Variants in LPP observed in about 807,000 individuals in gnomAD.
LPP encodes LIM domain containing preferred translocation partner in lipoma, also known as lipoma-preferred partner.
LPP carries 38 observed loss-of-function variants against 60.4 expected under a neutral mutation model. The observed-to-expected ratio is 0.63, with a 90% CI of 0.49 to 0.83. The LOEUF (loss-of-function observed/expected upper bound fraction) is 0.83, where lower values mean the gene tolerates loss of function less well. Among genes scored for constraint, LPP ranks in the 40% least tolerant of loss-of-function variants. The pLI, the probability that LPP is intolerant of heterozygous loss-of-function variation, is 0.00. For synonymous variants in LPP, 328 were observed against 290.8 expected, an observed-to-expected ratio of 1.13 and a Z score of -1.30; for missense variants, 902 against 783.6, an observed-to-expected ratio of 1.15 and a Z score of -1.80.
chr3:188,581,200 AG>A (rs1836004158), intron 6 of LPP, among the ~76,000 whole-genome samples: 1 of 152,044 alleles, frequency 6.6e-6, no homozygotes, highest in Non-Finnish European at 1.5e-5. Context: ...GGGCAAAAAA[AG>A]TCCAGGAAGA....
intron 2 of LPP, among the ~76,000 whole-genome samples, chr3:188,296,390 G>A (rs1329456928): frequency 6.6e-6 from 1 of 152,192 alleles, no homozygotes; most frequent in African/African-American, 2.4e-5. Context: ...GGTAGGAAGA[G>A]GTAAGGGTTT....
chr3:188,489,339 G>C (rs1807622747), intron 5 of LPP, among the ~76,000 whole-genome samples: 2 of 152,126 alleles, frequency 1.3e-5, no homozygotes, highest in Admixed American at 1.3e-4. Context: ...TGGAGAGTGA[G>C]GGAAGTAAAT....
intron 7 of LPP, among the ~76,000 whole-genome samples, chr3:188,660,519 A>G (rs551246850): frequency 1.1e-4 from 17 of 152,310 alleles, no homozygotes; most frequent in Non-Finnish European, 2.1e-4. Flanking sequence ...TAGCTAGTTA[A>G]AATCAGAACC....
intron 9 of LPP, among the ~76,000 whole-genome samples, chr3:188,791,871 T>C (rs908727019): frequency 1.3e-5 from 2 of 152,270 alleles, no homozygotes; most frequent in South Asian, 4.2e-4. Context: ...CTGCACCCCA[T>C]TCCTTGAGGA....
At chr3:188,554,153 T>A (rs557002383) in intron 6 of LPP, 16 of 151,782 alleles carry the variant, frequency 1.1e-4, no homozygotes, top group East Asian at 3.9e-4. Flanking sequence ...TGCTTTTTTT[T>A]AAAAAAAAGA....
chr3:188,155,403 T>C (rs1447886055), intron 1 of LPP, among the ~76,000 whole-genome samples: 1 of 152,232 alleles, frequency 6.6e-6, no homozygotes, highest in Non-Finnish European at 1.5e-5. Flanking sequence ...TAAAATTCAC[T>C]CTCACTAAGG....
chr3:188,853,182 G>A (rs1763072058), intron 9 of LPP, among the ~76,000 whole-genome samples: 1 of 152,134 alleles, frequency 6.6e-6, no homozygotes, highest in Non-Finnish European at 1.5e-5. Flanking sequence ...TAGAAGTCAG[G>A]CAGCATCACT....
chr3:188,887,035 T>C lies in LPP; in HGVS notation c.*12556T>C, dbSNP rs1187324178. 4.3e-6 allele frequency: 1 copy of C among 231,030 alleles called. No individual in the cohort carries two copies. Among genetic ancestry groups the C allele is most frequent in the Non-Finnish European group, 8.6e-6 (1 of 116,758 alleles). The allele number at this position is 231,030 out of a possible 1,614,324, so 14.3% of individuals were successfully genotyped here. ...TTGGGAAAAGGGTAAAGAACTATTCTTGGTCATTATTGATGTATTGTGTTG... is the reference window on the plus strand; with the variant it reads ...TTGGGAAAAGGGTAAAGAACTATTCCTGGTCATTATTGATGTATTGTGTTG... On this transcript the variant is annotated 3_prime_UTR_variant, in exon 12 of 12. Transcript: ENST00000617246.
At chr3:188,557,948 A>G (rs1204964151) in intron 6 of LPP, among the ~76,000 whole-genome samples, 1 of 152,100 alleles carries the variant, frequency 6.6e-6, no homozygotes, top group Non-Finnish European at 1.5e-5. Context: ...TTGAGCAGAA[A>G]GCATGGATGT....
At position 188,881,424 on chromosome 3, in the gene LPP, T is replaced by C. The variant is rs1770005356; in HGVS notation, c.*6945T>C. ...CTTCTTTAAACAGTGGACACAAACA[T>C]ATTTTCTAATTTTCAGTGTACTCAG... On this transcript the variant is annotated 3_prime_UTR_variant, in exon 12 of 12. Coordinates refer to ENST00000617246, the MANE Select transcript of LPP (RefSeq NM_001375462.1). 1 of 206,154 alleles carries C rather than the reference T, an allele frequency of 4.9e-6. No individual in the cohort carries two copies. 12.8% of individuals were successfully genotyped at this position (206,154 alleles called of 1,614,324 possible).
chr3:188,416,083 ACTTT>A (rs1465534738), intron 4 of LPP, among the ~76,000 whole-genome samples: 6 of 139,802 alleles, frequency 4.3e-5, no homozygotes, highest in African/African-American at 1.7e-4. Flanking sequence ...TATTTTTGCA[ACTTT>A]CTATGAGTCC....
chr3:188,650,952 G>C (rs77248317), intron 7 of LPP, among the ~76,000 whole-genome samples: 1 of 152,064 alleles, frequency 6.6e-6, no homozygotes, highest in African/African-American at 2.4e-5. Flanking sequence ...AATATTTACC[G>C]TCTCTTTATT....
At chr3:188,259,925 CT>C (rs144370915) in intron 2 of LPP, among the ~76,000 whole-genome samples, 1,897 of 147,474 alleles carry the variant, frequency 0.013, 22 homozygotes, top group Non-Finnish European at 0.015. Flanking sequence ...AAATGACCTT[CT>C]TTTTTTTTTA....
At chr3:188,210,449 G>A (rs1210305626) in intron 1 of LPP, among the ~76,000 whole-genome samples, 1 of 152,208 alleles carries the variant, frequency 6.6e-6, no homozygotes, top group African/African-American at 2.4e-5. Flanking sequence ...ATGGAAAGAT[G>A]GAATTTGCAG....
At chr3:188,799,691 A>T (rs1035737580) in intron 9 of LPP, among the ~76,000 whole-genome samples, 1 of 152,186 alleles carries the variant, frequency 6.6e-6, no homozygotes, top group African/African-American at 2.4e-5. Context: ...TTATCACAAA[A>T]AGGTACGTAA....
At chr3:188,243,459 T>C (rs1308699894) in intron 2 of LPP, among the ~76,000 whole-genome samples, 1 of 152,174 alleles carries the variant, frequency 6.6e-6, no homozygotes, top group Non-Finnish European at 1.5e-5. Flanking sequence ...CTTGGGGTGG[T>C]GTCTCAGAAG....
At chr3:188,570,592 G>A (rs1560578375) in intron 6 of LPP, among the ~76,000 whole-genome samples, 1 of 151,942 alleles carries the variant, frequency 6.6e-6, no homozygotes, top group Admixed American at 6.6e-5. Flanking sequence ...TGTACCTATT[G>A]GGTAGCACAT....
At chr3:188,186,589 G>GTT (rs5855183) in intron 1 of LPP, among the ~76,000 whole-genome samples, 2 of 147,854 alleles carry the variant, frequency 1.4e-5, no homozygotes, top group African/African-American at 2.5e-5. Flanking sequence ...TTTTTTCTAA[G>GTT]TTTTTTTTTT....
Position 188,609,454 on chromosome 3 carries a change from A to G in LPP, c.723A>G (p.Gly241=). 2 of 1,614,096 alleles carry G rather than the reference A, an allele frequency of 1.2e-6. No homozygotes were observed. The highest frequency in any genetic ancestry group is 1.1e-5 in the South Asian group (1 of 91,074). Residue 241 remains glycine, a synonymous_variant, in exon 7 of 12, where the codon GGA becomes GGG. Coordinates refer to ENST00000617246, the MANE Select transcript of LPP (RefSeq NM_001375462.1). The surrounding 1 kb of genome is among the most constrained non-coding windows in gnomAD (Gnocchi z 6.9). ...SPHYMAAPSS[G]QIYGSGPQGY... is the part of the protein sequence containing the mutation. ...ATTATATGGCTGCCCCTTCATCAGG[A>G]CAAATTTATGGCTCAGGGCCCCAGG...
Sources: allele counts gnomAD v4.1 joint callset (sites outside exome capture counted in the v4.1 genomes callset), GRCh38; gene constraint gnomAD v4.1.1; non-coding constraint Gnocchi (gnomAD v3.1); transcripts MANE v1.5; gene names NCBI Gene and HGNC (gene_info 2026-07-23, HGNC 2026-07-21).